Variants in PTPRT observed in about 807,000 individuals in gnomAD.
The protein encoded by PTPRT is protein tyrosine phosphatase receptor type T.
Under a neutral mutation model 176.8 loss-of-function variants are expected in PTPRT, and 56 were observed. The observed-to-expected ratio is 0.32, with a 90% CI of 0.26 to 0.40. The LOEUF (loss-of-function observed/expected upper bound fraction) is 0.40. Ranked by LOEUF, PTPRT falls within the 10% of genes least tolerant of loss-of-function variation. The pLI is 1.00. For synonymous variants in PTPRT, 783 were observed against 739.0 expected, an observed-to-expected ratio of 1.06 and a Z score of -0.96; for missense variants, 1,540 against 1,908.2, an observed-to-expected ratio of 0.81 and a Z score of 3.60.
At chr20:42,980,789 C>T (rs554568425) in intron 1 of PTPRT, among the ~76,000 whole-genome samples, 1 of 152,296 alleles carries the variant, frequency 6.6e-6, no homozygotes, top group South Asian at 2.1e-4. Flanking sequence ...CTTTAGAAAA[C>T]TTGTAACTAC....
intron 1 of PTPRT, among the ~76,000 whole-genome samples, chr20:42,906,070 G>A (rs566059707): frequency 4.6e-5 from 7 of 152,038 alleles, no homozygotes; most frequent in African/African-American, 1.7e-4. Flanking sequence ...ATAAAAAAAA[G>A]AACCAAAACA....
chr20:42,189,427 C>T (rs1568656562), intron 16 of PTPRT, among the ~76,000 whole-genome samples: 1 of 152,284 alleles, frequency 6.6e-6, no homozygotes, highest in East Asian at 1.9e-4. Flanking sequence ...TCTTAGAGGA[C>T]AGTAATATCA....
chr20:42,914,048 T>C (rs1016517764), intron 1 of PTPRT, among the ~76,000 whole-genome samples: 1 of 152,204 alleles, frequency 6.6e-6, no homozygotes, highest in African/African-American at 2.4e-5. Context: ...CTGGAGTAGA[T>C]TTGTGTGTTT....
At chr20:43,188,086 T>C (rs1373417690) in intron 1 of PTPRT, among the ~76,000 whole-genome samples, 2 of 152,196 alleles carry the variant, frequency 1.3e-5, no homozygotes, top group Non-Finnish European at 2.9e-5. Context: ...TAATGTGTGG[T>C]TGGCCGGTCA....
At chr20:42,633,882 A>ATATAATATAAT (rs2074481291) in intron 7 of PTPRT, among the ~76,000 whole-genome samples, 2 of 70,322 alleles carry the variant, frequency 2.8e-5, no homozygotes, top group African/African-American at 6.4e-5. Flanking sequence ...AATATATTAT[A>ATATAATATAAT]ATATAATTAT....
At chr20:42,939,231 C>T (rs1310814920) in intron 1 of PTPRT, among the ~76,000 whole-genome samples, 1 of 152,206 alleles carries the variant, frequency 6.6e-6, no homozygotes, top group Non-Finnish European at 1.5e-5. Context: ...TGTCAATTTC[C>T]CCTGCCAAGC....
intron 11 of PTPRT, among the ~76,000 whole-genome samples, chr20:42,331,146 C>A (rs112511343): frequency 6.6e-6 from 1 of 151,796 alleles, no homozygotes; most frequent in East Asian, 1.9e-4. Context: ...AAGCAACCCC[C>A]TTTATACTCC....
intron 15 of PTPRT, among the ~76,000 whole-genome samples, chr20:42,201,229 G>A (rs1991434954): frequency 6.6e-6 from 1 of 152,168 alleles, no homozygotes; most frequent in African/African-American, 2.4e-5. Context: ...GAGCCCAAGA[G>A]GTGGAGGCTG....
chr20:42,541,992 T>C lies in PTPRT; in HGVS notation c.1154-69430A>G, dbSNP rs549274071. Among the ~76,000 whole-genome samples, 11 of 152,196 alleles carry C rather than the reference T, an allele frequency of 7.2e-5. No homozygotes were observed. In the East Asian group the frequency reaches 2.1e-3, roughly 30 times the overall value. On this transcript the variant is annotated intron_variant, in intron 7 of 30. Transcript: ENST00000373187. ...GACCTGATGGGAAAAAATTGAATCATGGGGGTAGGTTTTTCCCATGCTGTT... is the reference window on the plus strand; with the variant it reads ...GACCTGATGGGAAAAAATTGAATCACGGGGGTAGGTTTTTCCCATGCTGTT...
chr20:42,650,705 A>G (rs757798394), intron 7 of PTPRT, among the ~76,000 whole-genome samples: 2 of 152,194 alleles, frequency 1.3e-5, no homozygotes, highest in Non-Finnish European at 2.9e-5. Context: ...TCATCTCCTA[A>G]GCTGCTCTGA....
intron 12 of PTPRT, among the ~76,000 whole-genome samples, chr20:42,312,808 T>C (rs868225718): frequency 1.3e-5 from 2 of 148,284 alleles, no homozygotes; most frequent in Admixed American, 6.7e-5. Flanking sequence ...GATCCTTTTT[T>C]TTTTTTTTTT....
intron 9 of PTPRT, among the ~76,000 whole-genome samples, chr20:42,402,360 C>T (rs2058916823): frequency 6.6e-6 from 1 of 151,764 alleles, no homozygotes; most frequent in Admixed American, 6.6e-5. Context: ...GGCCTATTTT[C>T]AGATAATTGG....
rs1439252121 is a variant in PTPRT at position 43,189,054 on chromosome 20, C to T, written c.88+592G>A. 1.3e-5 allele frequency among the ~76,000 whole-genome samples: 2 copies of T among 152,342 alleles called. No individual in the cohort carries two copies. Among genetic ancestry groups the T allele is most frequent in the East Asian group, 3.9e-4 (2 of 5,174 alleles). ...CTCGGAGAAAAGCCAGCGGGTAGGG[C>T]GGAGGTATTGCTCTCGGTCATCAAC... On this transcript the variant is annotated intron_variant, in intron 1 of 30. Transcript: ENST00000373187. This position sits in a 1 kb window ranked among gnomAD's most constrained non-coding sequence, Gnocchi z 5.0.
intron 9 of PTPRT, among the ~76,000 whole-genome samples, chr20:42,440,699 G>A (rs562483692): frequency 3.9e-5 from 6 of 151,984 alleles, no homozygotes; most frequent in East Asian, 1.9e-4. Flanking sequence ...GGATGGTCTC[G>A]ATCTCCTGAC....
At chr20:43,112,042 C>T (rs1319869892) in intron 1 of PTPRT, among the ~76,000 whole-genome samples, 9 of 152,224 alleles carry the variant, frequency 5.9e-5, no homozygotes, top group African/African-American at 2.2e-4. Context: ...ATTCTCCAAT[C>T]CACTTGGGTG....
At chr20:42,308,094 C>T (rs1437588738) in intron 12 of PTPRT, among the ~76,000 whole-genome samples, 2 of 152,120 alleles carry the variant, frequency 1.3e-5, no homozygotes, top group Non-Finnish European at 2.9e-5. Flanking sequence ...CCGGGAATTG[C>T]CCACCCCTTT....
At chr20:42,159,128 A>G (rs1238329925) in intron 17 of PTPRT, among the ~76,000 whole-genome samples, 1 of 150,016 alleles carries the variant, frequency 6.7e-6, no homozygotes, top group Non-Finnish European at 1.5e-5. Context: ...GGTAAGCCAC[A>G]TATCTCCCTT....
intron 2 of PTPRT, among the ~76,000 whole-genome samples, chr20:42,847,436 C>A (rs1373260031): frequency 6.6e-6 from 1 of 152,150 alleles, no homozygotes; most frequent in Non-Finnish European, 1.5e-5. Flanking sequence ...CTATACAGGC[C>A]AGCCTTTCAG....
At chr20:42,902,177 C>T (rs2079414074) in intron 1 of PTPRT, among the ~76,000 whole-genome samples, 1 of 152,182 alleles carries the variant, frequency 6.6e-6, no homozygotes, top group South Asian at 2.1e-4. Context: ...AAAACCTCTT[C>T]TTCTGAAAGT....
Sources: gnomAD v4.1 joint callset for allele counts (sites outside exome capture counted in the v4.1 genomes callset) on GRCh38, gnomAD v4.1.1 for gene constraint, Gnocchi (gnomAD v3.1) non-coding constraint, MANE v1.5 for transcripts, NCBI Gene and HGNC (gene_info 2026-07-23, HGNC 2026-07-21) for gene names.